The following NDUFAF1 variants were observed in gnomAD, a reference collection of about 807,000 sequenced individuals.
NDUFAF1 encodes the protein NADH:ubiquinone oxidoreductase complex assembly factor 1.
Under a neutral mutation model 28.7 loss-of-function variants are expected in NDUFAF1, and 18 were observed. The ratio of observed to expected loss-of-function variants is 0.63; its 90% CI spans 0.43 to 0.93. The LOEUF (loss-of-function observed/expected upper bound fraction) is 0.93, where lower values mean the gene tolerates loss of function less well. Ranked by LOEUF, NDUFAF1 falls within the 40% of genes least tolerant of loss-of-function variation. The pLI is 0.00. For synonymous variants in NDUFAF1, 113 were observed against 139.7 expected (o/e 0.81, Z 1.35); for missense variants, 404 against 398.3 (o/e 1.01, Z -0.12).
At chr15:41,394,341 C>T (rs1423668212) in intron 3 of NDUFAF1, 2 of 1,288,620 alleles carry the variant, frequency 1.6e-6, no homozygotes, top group Non-Finnish European at 2.0e-6. Context: ...CCTAGGACAC[C>T]AACTTTAGCA....
At chr15:41,388,308 A>G (rs2050275640) in intron 4 of NDUFAF1, 140 bp downstream of exon 4, 1 of 687,244 alleles carries the variant, frequency 1.5e-6, no homozygotes, top group Non-Finnish European at 2.6e-6. Context: ...GGTCTAAGTC[A>G]GCCTCTGGCT....
At chr15:41,398,023 C>CG (rs2050414313) in intron 1 of NDUFAF1, among the ~76,000 whole-genome samples, 2 of 56,974 alleles carry the variant, frequency 3.5e-5, no homozygotes, top group Non-Finnish European at 6.7e-5. Flanking sequence ...GACTCTGTCT[C>CG]AAAAAAAAAA....
Position 41,396,622 on chromosome 15 carries a change from G to T in NDUFAF1, c.438C>A (p.Gly146=), listed in dbSNP as rs775746385. The part of the protein sequence containing the change: ...WTVTSDKTIG[G]RSEVFLKMGK... ...CCATTTTCAAAAACACTTCACTTCTGCCTCCAATCGTCTTATCAGAAGTCA... is the reference window on the plus strand; with the variant it reads ...CCATTTTCAAAAACACTTCACTTCTTCCTCCAATCGTCTTATCAGAAGTCA... The change falls in exon 2 of 5, where the codon GGC becomes GGA. Residue 146 remains glycine (G), a synonymous_variant. Transcript: ENST00000260361. 2.5e-6 allele frequency: 4 copies of T among 1,613,906 alleles called. No individual in the cohort carries two copies. The highest frequency in any genetic ancestry group is 3.4e-6 in the Non-Finnish European group (4 of 1,180,040).
intron 3 of NDUFAF1, among the ~76,000 whole-genome samples, chr15:41,391,085 T>C (rs893671706): frequency 2.6e-5 from 4 of 152,020 alleles, no homozygotes; most frequent in Non-Finnish European, 4.4e-5. Flanking sequence ...ATAGTGGTAG[T>C]ACAAGATTTT....
chr15:41,387,680 G>T (rs1298357381), intron 4 of NDUFAF1, 87 bp from the exon 5 acceptor site: 2 of 1,137,008 alleles, frequency 1.8e-6, no homozygotes, highest in Non-Finnish European at 2.6e-6. Context: ...ATCAGGTGAT[G>T]ATTATAACTG....
chr15:41,396,348 C>T, intron 2 of NDUFAF1, 139 bp downstream of exon 2: 1 of 790,264 alleles, frequency 1.3e-6, no homozygotes, highest in Non-Finnish European at 2.0e-6. Flanking sequence ...AGTTACTTAT[C>T]CCCAGACACA....
intron 3 of NDUFAF1, among the ~76,000 whole-genome samples, chr15:41,393,738 A>C (rs1452579379): frequency 1.3e-5 from 2 of 148,186 alleles, no homozygotes; most frequent in African/African-American, 2.5e-5. Flanking sequence ...ACACCCAACT[A>C]ATTTTTTTAT....
At chr15:41,388,423 A>T in intron 4 of NDUFAF1, 25 bp downstream of exon 4, 1 of 1,539,518 alleles carries the variant, frequency 6.5e-7, no homozygotes, top group Non-Finnish European at 9.0e-7. Flanking sequence ...TACAGTTCTG[A>T]GTGAAAAATA....
rs776054234 is a variant in NDUFAF1, at chr15:41,397,068, A to G, written c.-9T>C. 6.2e-7 allele frequency: 1 copy of G among 1,612,966 alleles called. No individual in the cohort carries two copies. Among genetic ancestry groups the G allele is most frequent in the South Asian group, 1.1e-5 (1 of 90,976 alleles). The stretch of plus-strand genomic sequence containing the variant: ...TTGTGAACCAAAGCCATGGTACAAA[A>G]AAATCAAAATGTAAGTTTCTTCCTG... On this transcript the variant is annotated 5_prime_UTR_variant, in exon 2 of 5. Coordinates refer to ENST00000260361, the MANE Select transcript of NDUFAF1 (RefSeq NM_016013.4).
Position 41,396,678 on chromosome 15 carries a change from G to A in NDUFAF1, c.382C>T (p.Arg128Trp), listed in dbSNP as rs1001079811. 2.6e-5 allele frequency: 42 copies of A among 1,613,958 alleles called. No homozygotes were observed. The highest frequency in any genetic ancestry group is 1.6e-4 in the Middle Eastern group (1 of 6,084). The change falls in exon 2 of 5, where the codon CGG becomes TGG. Residue 128 changes from arginine to tryptophan, a missense_variant. Transcript: ENST00000260361. ...CACTTATCCAAATCTTCTTTCCCCC[G>A]GAATTGCCAGACAACCTTGGCTTGT... ...LEQAKVVWQF[R>W]GKEDLDKWTV...
intron 1 of NDUFAF1, among the ~76,000 whole-genome samples, chr15:41,401,171 T>A (rs2050457367): frequency 1.3e-5 from 2 of 151,754 alleles, no homozygotes; most frequent in African/African-American, 4.8e-5. Context: ...TTCCACTATG[T>A]TGGCCAGAGT....
chr15:41,388,287 T>A (rs1163586129), intron 4 of NDUFAF1, among the ~76,000 whole-genome samples, 161 bp downstream of exon 4: 1 of 152,114 alleles, frequency 6.6e-6, no homozygotes, highest in Non-Finnish European at 1.5e-5. Context: ...GGGGGTATGG[T>A]TCATAGGAGA....
At position 41,397,120 on chromosome 15, in the gene NDUFAF1, C is replaced by T. The variant is rs1471486467; in HGVS notation, c.-61G>A. 1.4e-6 allele frequency: 2 copies of T among 1,393,332 alleles called. No homozygotes were observed. The highest frequency in any genetic ancestry group is 1.4e-5 in the African/African-American group (1 of 70,354). 86.3% of individuals were successfully genotyped at this position (1,393,332 alleles called of 1,614,324 possible). ...GCTAGCAAGGGCCACCAAGAAGCTT[C>T]AGCAAATAGCCCAATTCTACCTATA... On this transcript the variant is annotated 5_prime_UTR_variant, in exon 2 of 5. Transcript: ENST00000260361.
Position 41,394,892 on chromosome 15 carries a change from G to A in NDUFAF1, c.726C>T (p.Phe242=). 1 of 1,614,046 alleles carries A rather than the reference G, an allele frequency of 6.2e-7. No homozygotes were observed. The highest frequency in any genetic ancestry group is 1.7e-5 in the Admixed American group (1 of 59,988). Reference sequence around the variant, plus strand: ...CCTGCCAGTAGGGTCCCCCGCGGGTGAACATGAAGTAACTATACATCTGAT... The same window carrying A: ...CCTGCCAGTAGGGTCCCCCGCGGGTAAACATGAAGTAACTATACATCTGAT... ...RTNQMYSYFM[F]TRGGPYWQEV... is the part of the protein sequence containing the mutation. The change falls in exon 3 of 5, where the codon TTC becomes TTT. Residue 242 remains phenylalanine (F), a synonymous_variant. Transcript: ENST00000260361.
chr15:41,387,386 T>C lies in NDUFAF1; in HGVS notation c.*58A>G. ...CATTAAAGAAATATTTTATTTTGTCTATATCATTGTAGATGCTAGTACCCT... is the reference window on the plus strand; with the variant it reads ...CATTAAAGAAATATTTTATTTTGTCCATATCATTGTAGATGCTAGTACCCT... On this transcript the variant is annotated 3_prime_UTR_variant, in exon 5 of 5. Coordinates refer to ENST00000260361, the MANE Select transcript of NDUFAF1 (RefSeq NM_016013.4). 6.7e-7 allele frequency: 1 copy of C among 1,484,102 alleles called. No individual in the cohort carries two copies. The highest frequency in any genetic ancestry group is 9.4e-7 in the Non-Finnish European group (1 of 1,062,946). 91.9% of individuals were successfully genotyped at this position (1,484,102 alleles called of 1,614,324 possible).
Position 41,402,151 on chromosome 15 carries a change from C to T in NDUFAF1, c.-89G>A. 1 of 450,910 alleles carries T rather than the reference C, an allele frequency of 2.2e-6. No homozygotes were observed. The highest frequency in any genetic ancestry group is 1.6e-5 in the South Asian group (1 of 64,404). 27.9% of individuals were successfully genotyped at this position (450,910 alleles called of 1,614,324 possible). On this transcript the variant is annotated 5_prime_UTR_variant, in exon 1 of 5. Transcript: ENST00000260361. ...AAGCTATCCATGCCTTACCATGTGCCAGAAACTGCTCTAAGTGTTTCACTG... is the reference window on the plus strand; with the variant it reads ...AAGCTATCCATGCCTTACCATGTGCTAGAAACTGCTCTAAGTGTTTCACTG...
At chr15:41,390,907 C>T (rs894623754) in intron 3 of NDUFAF1, among the ~76,000 whole-genome samples, 1 of 151,598 alleles carries the variant, frequency 6.6e-6, no homozygotes, top group African/African-American at 2.4e-5. Flanking sequence ...TGGTGGGCAC[C>T]TGCAGTCCCA....
intron 2 of NDUFAF1, 106 bp downstream of exon 2, chr15:41,396,381 G>A (rs1014733425): frequency 2.7e-6 from 3 of 1,102,302 alleles, no homozygotes; most frequent in Non-Finnish European, 4.0e-6. Context: ...AATATAACAT[G>A]CCAGGTGTTT....
At chr15:41,400,589 C>T (rs1446471568) in intron 1 of NDUFAF1, among the ~76,000 whole-genome samples, 1 of 151,026 alleles carries the variant, frequency 6.6e-6, no homozygotes, top group African/African-American at 2.4e-5. Context: ...GTGGCACGAT[C>T]TCGGCTCACT....
Sources: allele counts gnomAD v4.1 joint callset (sites outside exome capture counted in the v4.1 genomes callset), GRCh38; gene constraint gnomAD v4.1.1; transcripts MANE v1.5; gene names NCBI Gene and HGNC (gene_info 2026-07-23, HGNC 2026-07-21).